CMSS1: variants seen among roughly 807,000 people sequenced by gnomAD.
CMSS1 encodes the protein protein CMSS1.
A neutral mutation model predicts 43.5 loss-of-function variants in CMSS1; 33 were observed. The observed-to-expected ratio is 0.76, with a 90% CI of 0.57 to 1.01. The LOEUF (loss-of-function observed/expected upper bound fraction) is 1.01, where lower values mean the gene tolerates loss of function less well. CMSS1 is among the 50% of genes least tolerant of loss of function. The pLI is 0.00. For missense variants in CMSS1, 313 were observed against 326.4 expected (o/e 0.96, Z 0.32); for synonymous variants, 115 against 117.2 (o/e 0.98, Z 0.12).
Position 100,023,768 on chromosome 3 carries a change from G to A in CMSS1, c.65-123205G>A, listed in dbSNP as rs116752820. Among the ~76,000 whole-genome samples, 1,239 of 152,222 alleles carry A rather than the reference G, an allele frequency of 8.1e-3. 20 individuals carry two copies. The highest frequency in any genetic ancestry group is 0.021 in the Admixed American group (317 of 15,268). ...CATTGCAAACTAGTATTTCTACCTA[G>A]AACTACTCCTGCTCTGCATGTCTTA... On this transcript the variant is annotated intron_variant, in intron 1 of 9. Coordinates refer to ENST00000421999, the MANE Select transcript of CMSS1 (RefSeq NM_032359.4).
At chr3:99,979,491 G>C (rs1303620767) in intron 1 of CMSS1, among the ~76,000 whole-genome samples, 1 of 152,152 alleles carries the variant, frequency 6.6e-6, no homozygotes, top group Non-Finnish European at 1.5e-5. Context: ...ATTGGAGTCA[G>C]GTTGTTCATA....
At chr3:100,006,096 G>T (rs192807462) in intron 1 of CMSS1, among the ~76,000 whole-genome samples, 2 of 152,108 alleles carry the variant, frequency 1.3e-5, no homozygotes, top group African/African-American at 2.4e-5. Context: ...GCCCTTAGCC[G>T]TAGACCTCTG....
In CMSS1 at chr3:100,178,789, G is replaced by A; in HGVS notation, c.*401G>A. The A allele has an allele frequency of 6.1e-6, 1 of 164,364 alleles. No individual in the cohort carries two copies. Among genetic ancestry groups the A allele is most frequent in the South Asian group, 1.6e-4 (1 of 6,114 alleles). The allele number at this position is 164,364 out of a possible 1,614,324, so 10.2% of individuals were successfully genotyped here. A position where few individuals can be genotyped will look rare whatever the true frequency, so the allele number is the denominator to read the frequency against. ...TGAGGATTCCAGGAGATAGTACATG[G>A]GGAGCAGATTTGTAAACTCTGAGGC... On this transcript the variant is annotated 3_prime_UTR_variant, in exon 10 of 10. Coordinates refer to ENST00000421999, the MANE Select transcript of CMSS1 (RefSeq NM_032359.4).
intron 6 of CMSS1, among the ~76,000 whole-genome samples, chr3:100,168,101 G>A (rs2067079821): frequency 6.6e-6 from 1 of 152,148 alleles, no homozygotes; most frequent in South Asian, 2.1e-4. Flanking sequence ...TTAAAAGGGT[G>A]GTCACAGAAA....
chr3:99,853,472 T>C (rs1446555988), intron 1 of CMSS1, among the ~76,000 whole-genome samples: 1 of 152,222 alleles, frequency 6.6e-6, no homozygotes, highest in African/African-American at 2.4e-5. Context: ...TGCAGTATAA[T>C]TAAAAGAGTA....
chr3:100,151,455 G>A (rs9865713), intron 2 of CMSS1, among the ~76,000 whole-genome samples: 56,918 of 151,934 alleles, frequency 0.37, 10,805 homozygotes, highest in South Asian at 0.46. Flanking sequence ...TGTGGATGCC[G>A]GCACGTCTCA....
chr3:99,895,452 A>G (rs563849987), intron 1 of CMSS1, among the ~76,000 whole-genome samples: 2 of 145,470 alleles, frequency 1.4e-5, no homozygotes, highest in Non-Finnish European at 3.0e-5. Context: ...AAGGTACTGT[A>G]TTTCCTTCCG....
rs779425233 is a variant in CMSS1, at chr3:99,929,962, T to C, written c.64+111919T>C. On this transcript the variant is annotated intron_variant, in intron 1 of 9. Transcript: ENST00000421999. Reference sequence around the variant, plus strand: ...CACCTTTTTTGGAGTGACAAACCCATACTGAGCTTCCAGCAAAGCCAGGTC... The same window carrying C: ...CACCTTTTTTGGAGTGACAAACCCACACTGAGCTTCCAGCAAAGCCAGGTC... 3.7e-6 allele frequency: 6 copies of C among 1,614,004 alleles called. No homozygotes were observed. The highest frequency in any genetic ancestry group is 1.1e-5 in the South Asian group (1 of 91,084).
chr3:99,987,408 TATCTC>T lies in CMSS1; in HGVS notation c.65-159563_65-159559del, dbSNP rs900179162. ...ACGGGGTGTGGTGGCATACACCTGTTATCTCAGCTACTCGGGAGGCTGAGACAGGA... is the reference window on the plus strand; with the variant it reads ...ACGGGGTGTGGTGGCATACACCTGTTAGCTACTCGGGAGGCTGAGACAGGA... On this transcript the variant is annotated intron_variant, in intron 1 of 9. Transcript: ENST00000421999. Among the ~76,000 whole-genome samples the T allele has an allele frequency of 4.6e-5, 7 of 150,924 alleles. No homozygotes were observed. In the East Asian group the frequency reaches 9.8e-4, roughly 21 times the overall value.
chr3:99,947,704 A>G (rs2107684318), intron 1 of CMSS1, among the ~76,000 whole-genome samples: 1 of 152,382 alleles, frequency 6.6e-6, no homozygotes, highest in African/African-American at 2.4e-5. Flanking sequence ...CCAAATAAAA[A>G]TATAAAATTG....
At chr3:100,117,825 G>GTGTATA (rs1383115136) in intron 1 of CMSS1, among the ~76,000 whole-genome samples, 1 of 75,140 alleles carries the variant, frequency 1.3e-5, no homozygotes, top group African/African-American at 6.2e-5. Flanking sequence ...ATAAACTGCA[G>GTGTATA]TATATATATA....
chr3:99,890,448 T>C (rs763092779), intron 1 of CMSS1, among the ~76,000 whole-genome samples: 2 of 152,140 alleles, frequency 1.3e-5, no homozygotes, highest in Non-Finnish European at 2.9e-5. Flanking sequence ...ATATGGCTTC[T>C]GAACAGTTTT....
chr3:99,881,823 G>A (rs1009132721), intron 1 of CMSS1, among the ~76,000 whole-genome samples: 2 of 152,120 alleles, frequency 1.3e-5, no homozygotes, highest in Non-Finnish European at 2.9e-5. Context: ...GTGAGCCACC[G>A]TGACTGACCC....
intron 1 of CMSS1, among the ~76,000 whole-genome samples, chr3:99,981,557 T>C (rs2107733227): frequency 6.6e-6 from 1 of 152,332 alleles, no homozygotes; most frequent in South Asian, 2.1e-4. Flanking sequence ...ACACAGTGTA[T>C]ATCTATATAC....
chr3:100,039,394 A>C (rs1177124847), intron 1 of CMSS1, among the ~76,000 whole-genome samples: 2 of 152,214 alleles, frequency 1.3e-5, no homozygotes, highest in Non-Finnish European at 2.9e-5. Context: ...TATATTTCAC[A>C]GTATGTAGTA....
intron 1 of CMSS1, among the ~76,000 whole-genome samples, chr3:99,821,673 G>C (rs961584658): frequency 6.6e-6 from 1 of 152,144 alleles, no homozygotes; most frequent in African/African-American, 2.4e-5. Context: ...GACCGGTCTG[G>C]GTACTTTCTC....
chr3:99,900,331 G>T (rs1021905381), intron 1 of CMSS1, among the ~76,000 whole-genome samples: 1 of 152,070 alleles, frequency 6.6e-6, no homozygotes, highest in Non-Finnish European at 1.5e-5. Context: ...CATACCTGGT[G>T]CTTCTTGTAT....
intron 1 of CMSS1, chr3:99,930,799 A>G: frequency 6.2e-7 from 1 of 1,613,036 alleles, no homozygotes; most frequent in Non-Finnish European, 8.5e-7. Context: ...TGCTGAGGAG[A>G]AATAACAGGT....
At chr3:100,010,288 T>C (rs7619512) in intron 1 of CMSS1, 109,650 of 217,002 alleles carry the variant, frequency 0.51, 27,859 homozygotes, top group East Asian at 0.7. Flanking sequence ...GTGTTCTGCA[T>C]GGAAGGAAAA....
Sources: gnomAD v4.1 joint callset for allele counts (sites outside exome capture counted in the v4.1 genomes callset) on GRCh38, gnomAD v4.1.1 for gene constraint, MANE v1.5 for transcripts, NCBI Gene and HGNC (gene_info 2026-07-23, HGNC 2026-07-21) for gene names.